Variants in MGAT4C observed in about 807,000 individuals in gnomAD.
MGAT4C encodes the protein alpha-1,3-mannosyl-glycoprotein 4-beta-N-acetylglucosaminyltransferase C.
In MGAT4C, 19 loss-of-function variants were observed where a neutral mutation model predicts 40.1. The observed-to-expected ratio is 0.47, with a 90% CI of 0.33 to 0.70. The LOEUF is 0.70. MGAT4C is among the 30% of genes least tolerant of loss of function. MGAT4C has a pLI of 0.02. For missense variants in MGAT4C, 491 were observed against 563.2 expected, an observed-to-expected ratio of 0.87 and a Z score of 1.30; for synonymous variants, 181 against 187.1, an observed-to-expected ratio of 0.97 and a Z score of 0.27.
chr12:86,108,283 C>T (rs947943749), intron 1 of MGAT4C, among the ~76,000 whole-genome samples: 8 of 152,028 alleles, frequency 5.3e-5, no homozygotes, highest in Admixed American at 5.2e-4. Flanking sequence ...ATAAGACTGA[C>T]AGAAGATACT....
intron 2 of MGAT4C, among the ~76,000 whole-genome samples, chr12:86,586,007 A>C (rs989482367): frequency 6.7e-6 from 1 of 150,132 alleles, no homozygotes; most frequent in South Asian, 2.1e-4. Context: ...TGTGCAGGTT[A>C]GTTACATAGG....
intron 1 of MGAT4C, among the ~76,000 whole-genome samples, chr12:86,814,110 C>A (rs1952535370): frequency 6.6e-6 from 1 of 151,794 alleles, no homozygotes; most frequent in Non-Finnish European, 1.5e-5. Context: ...CAGGGTTTCA[C>A]CGTGTTGCCC....
chr12:86,829,865 A>G (rs1482888792), intron 1 of MGAT4C, among the ~76,000 whole-genome samples: 1 of 149,614 alleles, frequency 6.7e-6, no homozygotes, highest in Non-Finnish European at 1.5e-5. Context: ...TTTCTTACCC[A>G]AAGACAGCAG....
intron 2 of MGAT4C, among the ~76,000 whole-genome samples, chr12:86,530,060 C>T (rs532530766): frequency 9.9e-5 from 15 of 151,884 alleles, no homozygotes; most frequent in African/African-American, 3.1e-4. Context: ...AAAATATTGT[C>T]AATCTTTAAT....
rs1394805047 is a variant in MGAT4C at position 85,959,622 on chromosome 12, TG to T, written c.*19666del. On this transcript the variant is annotated 3_prime_UTR_variant, in exon 5 of 5. Transcript: ENST00000611864. Reference sequence around the variant, plus strand: ...CATCTTTAAATCTGACCCAGCCACTTGAATAAATAAGTTGTGTTGTAGTTTC... The same window carrying T: ...CATCTTTAAATCTGACCCAGCCACTTAATAAATAAGTTGTGTTGTAGTTTC... The T allele has an allele frequency of 6.6e-6, 1 of 151,970 alleles. No homozygotes were observed. The highest frequency in any genetic ancestry group is 1.5e-5 in the Non-Finnish European group (1 of 67,948). 9.4% of individuals were successfully genotyped at this position (151,970 alleles called of 1,614,324 possible).
chr12:86,554,961 GCCCC>G (rs746509442), intron 2 of MGAT4C, among the ~76,000 whole-genome samples: 5 of 151,692 alleles, frequency 3.3e-5, no homozygotes, highest in Non-Finnish European at 7.4e-5. Context: ...TTAGCTTATG[GCCCC>G]CTCCTCTGTC....
At chr12:86,486,589 T>G (rs1158254407) in intron 2 of MGAT4C, among the ~76,000 whole-genome samples, 1 of 152,172 alleles carries the variant, frequency 6.6e-6, no homozygotes, top group Non-Finnish European at 1.5e-5. Flanking sequence ...CAGTTCTTCT[T>G]GACCTATGAA....
At chr12:85,996,955 A>G (rs1298583870) in intron 2 of MGAT4C, among the ~76,000 whole-genome samples, 3 of 152,174 alleles carry the variant, frequency 2.0e-5, no homozygotes, top group Non-Finnish European at 4.4e-5. Flanking sequence ...AAATTAATCT[A>G]CTTGGGATTT....
In MGAT4C at chr12:85,963,579, T is replaced by C. The variant is rs1883220365; in HGVS notation, c.*15710A>G. On this transcript the variant is annotated 3_prime_UTR_variant, in exon 5 of 5. Transcript: ENST00000611864. ...GAATTTGATTCTTAACAAATCTTTGTGGCTGAGAAACCATGAGATTTCATT... is the reference window on the plus strand; with the variant it reads ...GAATTTGATTCTTAACAAATCTTTGCGGCTGAGAAACCATGAGATTTCATT... The C allele has an allele frequency of 6.6e-6, 1 of 151,982 alleles. No homozygotes were observed. Among genetic ancestry groups the C allele is most frequent in the Non-Finnish European group, 1.5e-5 (1 of 67,896 alleles). 9.4% of individuals were successfully genotyped at this position (151,982 alleles called of 1,614,324 possible).
At chr12:86,328,788 A>G (rs909551678) in intron 4 of MGAT4C, among the ~76,000 whole-genome samples, 1 of 152,108 alleles carries the variant, frequency 6.6e-6, no homozygotes, top group Admixed American at 6.6e-5. Context: ...AGAAGTTAAA[A>G]CAACTCATAA....
rs556319269 is a variant in MGAT4C, at chr12:86,147,993, G to T, written c.-56-98270C>A. Reference sequence around the variant, plus strand: ...CAAAATATTTACTGGCTTCCATTGAGAGTAAAACGAAGAAGAGAGAAAAAT... The same window carrying T: ...CAAAATATTTACTGGCTTCCATTGATAGTAAAACGAAGAAGAGAGAAAAAT... On this transcript the variant is annotated intron_variant, in intron 1 of 4. Coordinates refer to ENST00000611864, the MANE Select transcript of MGAT4C (RefSeq NM_001351288.2). 2.0e-5 allele frequency among the ~76,000 whole-genome samples: 3 copies of T among 152,218 alleles called. No individual in the cohort carries two copies. The South Asian group carries it at 6.2e-4, about 32-fold the overall frequency.
intron 1 of MGAT4C, among the ~76,000 whole-genome samples, chr12:86,196,258 C>T (rs1445948821): frequency 6.6e-6 from 1 of 152,152 alleles, no homozygotes; most frequent in Non-Finnish European, 1.5e-5. Context: ...GGACACCAGC[C>T]CTGTTTGCCT....
rs7302512 is a variant in MGAT4C, at chr12:86,070,243, A to G, written c.-56-20520T>C. Among the ~76,000 whole-genome samples, 422 of 152,164 alleles carry G rather than the reference A, an allele frequency of 2.8e-3. 3 individuals carry two copies. Among genetic ancestry groups the G allele is most frequent in the African/African-American group, 9.5e-3 (393 of 41,534 alleles). ...TCCCTCCAAACAGGCATTCTAATAT[A>G]CCTGAACTTGATCAATATTTTTCTT... On this transcript the variant is annotated intron_variant, in intron 1 of 4. Coordinates refer to ENST00000611864, the MANE Select transcript of MGAT4C (RefSeq NM_001351288.2).
chr12:86,560,396 C>T (rs77139976), intron 2 of MGAT4C, among the ~76,000 whole-genome samples: 1,876 of 151,990 alleles, frequency 0.012, 30 homozygotes, highest in African/African-American at 0.043. Context: ...CAACAAAATA[C>T]TAGCAAGTTT....
At chr12:86,438,574 A>G (rs943023417) in intron 2 of MGAT4C, among the ~76,000 whole-genome samples, 1 of 151,998 alleles carries the variant, frequency 6.6e-6, no homozygotes, top group African/African-American at 2.4e-5. Flanking sequence ...AAGAAAACAA[A>G]GTAACTATGT....
Position 86,579,727 on chromosome 12 carries a change from G to A in MGAT4C, c.-228-144462C>T, listed in dbSNP as rs143671559. Among the ~76,000 whole-genome samples the A allele has an allele frequency of 2.6e-4, 39 of 151,514 alleles. No homozygotes were observed. In the East Asian group the frequency reaches 7.4e-3, roughly 29 times the overall value. ...AGTATTCCCTTTAGCATTTCTTGTA[G>A]GACAAGTCTGGTATTGATGAAATCT... is the stretch of plus-strand genomic sequence containing the variant. On this transcript the variant is annotated intron_variant, in intron 2 of 7. Transcript: ENST00000548651.
At chr12:86,373,557 C>T (rs184950697) in intron 3 of MGAT4C, among the ~76,000 whole-genome samples, 1 of 151,592 alleles carries the variant, frequency 6.6e-6, no homozygotes, top group African/African-American at 2.4e-5. Flanking sequence ...TATCCCAGAG[C>T]AGATTAAAGA....
chr12:86,455,545 G>A (rs1035662704), intron 2 of MGAT4C, among the ~76,000 whole-genome samples: 3 of 152,070 alleles, frequency 2.0e-5, no homozygotes, highest in African/African-American at 4.8e-5. Flanking sequence ...AGCCAATGAA[G>A]CCTTTCTAAG....
chr12:86,542,525 C>T (rs1252358197), intron 2 of MGAT4C, among the ~76,000 whole-genome samples: 1 of 152,132 alleles, frequency 6.6e-6, no homozygotes, highest in Admixed American at 6.5e-5. Flanking sequence ...TTAATTTTTC[C>T]TACTTCTTTC....
Sources: gnomAD v4.1 joint callset for allele counts (sites outside exome capture counted in the v4.1 genomes callset) on GRCh38, gnomAD v4.1.1 for gene constraint, MANE v1.5 for transcripts, NCBI Gene and HGNC (gene_info 2026-07-23, HGNC 2026-07-21) for gene names.